Variants in GRK3 observed in about 807,000 individuals in gnomAD.
GRK3 encodes G protein-coupled receptor kinase 3.
Under a neutral mutation model 95.7 loss-of-function variants are expected in GRK3, and 54 were observed. That is an observed-to-expected ratio of 0.56 (90% CI 0.45 to 0.71). The LOEUF (loss-of-function observed/expected upper bound fraction) is 0.71. Ranked by LOEUF, GRK3 falls within the 30% of genes least tolerant of loss-of-function variation. The probability of loss-of-function intolerance (pLI) is 0.00; values close to 1 mark genes in which losing one functional copy is unlikely to be tolerated. For synonymous variants in GRK3, 281 were observed against 290.8 expected, an observed-to-expected ratio of 0.97 and a Z score of 0.34; for missense variants, 649 against 851.2, an observed-to-expected ratio of 0.76 and a Z score of 2.96.
At chr22:25,620,277 C>T (rs192380367) in intron 2 of GRK3, among the ~76,000 whole-genome samples, 4 of 152,066 alleles carry the variant, frequency 2.6e-5, no homozygotes, top group East Asian at 1.9e-4. Context: ...ACATAGCCCG[C>T]GAAAAAGCTG....
rs1329788767 is a variant in GRK3 at position 25,711,123 on chromosome 22, A to T, written c.1451A>T (p.Asp484Val). Residue 484 changes from aspartate (D) to valine (V), a missense_variant, in exon 17 of 21, where the codon GAT becomes GTT. By Grantham distance (152) the Asp-to-Val change is radical (BLOSUM62 -3). Around this residue, in one of 3 missense-constraint regions of GRK3, gnomAD observed 382 missense variants for 493.8 expected, o/e 0.77. Transcript: ENST00000324198. ...GAAGTCAATGCTGCTGATGCCTTTG[A>T]TATTGGCTCATTTGATGAAGAGGAT... ...RGEVNAADAF[D>V]IGSFDEEDTK... 1 of 1,613,746 alleles carries T rather than the reference A, an allele frequency of 6.2e-7. No individual in the cohort carries two copies. The highest frequency in any genetic ancestry group is 1.1e-5 in the South Asian group (1 of 91,036).
intron 1 of GRK3, among the ~76,000 whole-genome samples, chr22:25,575,561 G>T (rs1032397011): frequency 6.6e-6 from 1 of 152,052 alleles, no homozygotes; most frequent in Non-Finnish European, 1.5e-5. Context: ...CATTTATTTC[G>T]TGTTTATTAC....
chr22:25,702,545 TAAAC>T, intron 13 of GRK3, among the ~76,000 whole-genome samples: 1 of 152,278 alleles, frequency 6.6e-6, no homozygotes, highest in East Asian at 1.9e-4. Flanking sequence ...AAATGAAAAA[TAAAC>T]CATGGTAATT....
At chr22:25,619,727 A>C (rs2084567350) in intron 2 of GRK3, among the ~76,000 whole-genome samples, 1 of 147,946 alleles carries the variant, frequency 6.8e-6, no homozygotes, top group Non-Finnish European at 1.5e-5. Flanking sequence ...CCTGGCTTCA[A>C]GTGATCCTCC....
chr22:25,679,583 A>G (rs1490461271), intron 9 of GRK3, among the ~76,000 whole-genome samples: 1 of 152,212 alleles, frequency 6.6e-6, no homozygotes, highest in Non-Finnish European at 1.5e-5. Flanking sequence ...GTATTACCCA[A>G]GATCAAAACC....
chr22:25,573,145 A>G (rs1312530986), intron 1 of GRK3, among the ~76,000 whole-genome samples: 1 of 152,256 alleles, frequency 6.6e-6, no homozygotes, highest in Non-Finnish European at 1.5e-5. Context: ...TGCCTTTTAT[A>G]GGAAGCTGTC....
At chr22:25,692,064 A>G (rs906132836) in intron 12 of GRK3, among the ~76,000 whole-genome samples, 3 of 152,084 alleles carry the variant, frequency 2.0e-5, no homozygotes, top group Non-Finnish European at 4.4e-5. Context: ...CCCGGGCCCA[A>G]GTGATCCTCC....
rs2085273475 is a variant in GRK3, at chr22:25,703,397, C to T, written c.1161-113C>T. The stretch of plus-strand genomic sequence containing the variant: ...AAATGTTTACGGCTTTTGCATTTCT[C>T]CAGTTTTGAATGAATAGTGATAGGA... On this transcript the variant is annotated intron_variant, in intron 13 of 20. Transcript: ENST00000324198. 8.3e-6 allele frequency: 6 copies of T among 721,966 alleles called. No homozygotes were observed. In the Admixed American group the frequency reaches 1.4e-4, roughly 17 times the overall value. 44.7% of individuals were successfully genotyped at this position (721,966 alleles called of 1,614,324 possible).
At chr22:25,600,786 G>A (rs1270511807) in intron 1 of GRK3, among the ~76,000 whole-genome samples, 1 of 152,164 alleles carries the variant, frequency 6.6e-6, no homozygotes, top group Non-Finnish European at 1.5e-5. Flanking sequence ...TATTTTAAAT[G>A]TGAAGATATA....
intron 1 of GRK3, among the ~76,000 whole-genome samples, chr22:25,579,369 A>T (rs542090122): frequency 1.3e-5 from 2 of 152,054 alleles, no homozygotes; most frequent in South Asian, 4.2e-4. Context: ...CTGGTCGAGA[A>T]TTCTTGGGCT....
chr22:25,588,808 G>A lies in GRK3; in HGVS notation c.114-15569G>A, dbSNP rs185123114. On this transcript the variant is annotated intron_variant, in intron 1 of 20. Coordinates refer to ENST00000324198, the MANE Select transcript of GRK3 (RefSeq NM_005160.4). Reference sequence around the variant, plus strand: ...TTTTTTTTTTGAGACAAGGTTTGTCGCCCAGGCTGGAGTACAGTGGTAAGA... The same window carrying A: ...TTTTTTTTTTGAGACAAGGTTTGTCACCCAGGCTGGAGTACAGTGGTAAGA... Among the ~76,000 whole-genome samples, 403 of 146,476 alleles carry A rather than the reference G, an allele frequency of 2.8e-3. 2 individuals carry two copies. Among genetic ancestry groups the A allele is most frequent in the Admixed American group, 6.7e-3 (97 of 14,414 alleles).
chr22:25,629,169 G>T (rs182664569), intron 2 of GRK3, among the ~76,000 whole-genome samples: 1 of 152,254 alleles, frequency 6.6e-6, no homozygotes, highest in East Asian at 1.9e-4. Context: ...GCCTTGCCTC[G>T]GGGAGCGGAC....
rs142800544 is a variant in GRK3 at position 25,598,481 on chromosome 22, G to A, written c.114-5896G>A. On this transcript the variant is annotated intron_variant, in intron 1 of 20. Coordinates refer to ENST00000324198, the MANE Select transcript of GRK3 (RefSeq NM_005160.4). ...GAGCCCAGGAGTTCAAGACCAGCCT[G>A]GGCAACATGGTGAGACCCTGTCTCT... Among the ~76,000 whole-genome samples, 1,088 of 152,058 alleles carry A rather than the reference G, an allele frequency of 7.2e-3. 18 individuals are homozygous for A. Among genetic ancestry groups the A allele is most frequent in the African/African-American group, 0.024 (977 of 41,480 alleles).
At chr22:25,720,132 T>C (rs2085419728) in intron 19 of GRK3, among the ~76,000 whole-genome samples, 1 of 152,166 alleles carries the variant, frequency 6.6e-6, no homozygotes, top group Non-Finnish European at 1.5e-5. Context: ...AGATTATACA[T>C]TTATTATGCT....
At chr22:25,629,227 G>A (rs901693375) in intron 2 of GRK3, among the ~76,000 whole-genome samples, 1 of 152,148 alleles carries the variant, frequency 6.6e-6, no homozygotes, top group Non-Finnish European at 1.5e-5. Context: ...CCCTAAAGGT[G>A]TAGCAGGTGT....
At chr22:25,587,429 T>C (rs1209959985) in intron 1 of GRK3, among the ~76,000 whole-genome samples, 1 of 152,092 alleles carries the variant, frequency 6.6e-6, no homozygotes, top group African/African-American at 2.4e-5. Flanking sequence ...TTTATTTTAT[T>C]TTTATTTTTT....
At chr22:25,622,373 G>A (rs113317924) in intron 2 of GRK3, among the ~76,000 whole-genome samples, 29 of 152,312 alleles carry the variant, frequency 1.9e-4, no homozygotes, top group African/African-American at 6.3e-4. Context: ...CAGTGGGATC[G>A]TGAAGAGCCA....
At chr22:25,708,520 C>T (rs950113430) in intron 15 of GRK3, among the ~76,000 whole-genome samples, 4 of 152,070 alleles carry the variant, frequency 2.6e-5, no homozygotes, top group Non-Finnish European at 5.9e-5. Flanking sequence ...CTGGGCTGGG[C>T]GAGATGCCCC....
intron 11 of GRK3, among the ~76,000 whole-genome samples, chr22:25,688,113 G>T (rs1432554741): frequency 6.6e-6 from 1 of 151,802 alleles, no homozygotes; most frequent in East Asian, 1.9e-4. Flanking sequence ...GCAGGTGCCT[G>T]TAGTCCCAGC....
Sources: allele counts gnomAD v4.1 joint callset (sites outside exome capture counted in the v4.1 genomes callset), GRCh38; gene constraint gnomAD v4.1.1; regional missense constraint gnomAD v4.1.1; transcripts MANE v1.5; gene names NCBI Gene and HGNC (gene_info 2026-07-23, HGNC 2026-07-21).